DISC1: variants seen among roughly 807,000 people sequenced by gnomAD.
DISC1 encodes the protein disrupted in schizophrenia 1 protein.
In DISC1, 57 loss-of-function variants were observed where a neutral mutation model predicts 84.5. The ratio of observed to expected loss-of-function variants is 0.67; its 90% CI spans 0.55 to 0.84. The LOEUF (loss-of-function observed/expected upper bound fraction) is 0.84. Ranked by LOEUF, DISC1 falls within the 40% of genes least tolerant of loss-of-function variation. The pLI, the probability that DISC1 is intolerant of heterozygous loss-of-function variation, is 0.00. For missense variants in DISC1, 1,000 were observed against 1,057.8 expected, an observed-to-expected ratio of 0.95 and a Z score of 0.76; for synonymous variants, 411 against 415.2, an observed-to-expected ratio of 0.99 and a Z score of 0.12.
rs1235868404 is a variant in DISC1 at position 232,009,243 on chromosome 1, CA to C, written c.2307+201del. 4.3e-6 allele frequency: 6 copies of C among 1,387,158 alleles called. No homozygotes were observed. In the African/African-American group the frequency reaches 4.4e-5, roughly 10 times the overall value. 85.9% of individuals were successfully genotyped at this position (1,387,158 alleles called of 1,614,324 possible). A position where few individuals can be genotyped will look rare whatever the true frequency, so the allele number is the denominator to read the frequency against. ...TGTAGAAGTTTGAAATATAGAAGAG[CA>C]AAAAAACCCAACTTTTGGCATATTT... On this transcript the variant is annotated intron_variant, in intron 11 of 12. Coordinates refer to ENST00000439617, the MANE Select transcript of DISC1 (RefSeq NM_018662.3). This position sits in a 1 kb window ranked among gnomAD's most constrained non-coding sequence, Gnocchi z 4.6.
At chr1:231,938,469 C>T (rs2091112177) in intron 9 of DISC1, among the ~76,000 whole-genome samples, 1 of 152,132 alleles carries the variant, frequency 6.6e-6, no homozygotes, top group South Asian at 2.1e-4. Context: ...AAGAGGAGGA[C>T]CTCAGCCTAG....
At chr1:231,933,879 G>A (rs2090821153) in intron 9 of DISC1, among the ~76,000 whole-genome samples, 1 of 152,166 alleles carries the variant, frequency 6.6e-6, no homozygotes, top group Admixed American at 6.5e-5. Flanking sequence ...CTGAGTCAGG[G>A]TGAGACACCA....
chr1:231,631,056 T>C (rs1161224875), intron 1 of DISC1, among the ~76,000 whole-genome samples: 1 of 152,210 alleles, frequency 6.6e-6, no homozygotes, highest in Non-Finnish European at 1.5e-5. Flanking sequence ...CTAGACATTA[T>C]GGGGCTCCCT....
At chr1:231,756,782 G>T (rs959006337) in intron 4 of DISC1, among the ~76,000 whole-genome samples, 1 of 152,140 alleles carries the variant, frequency 6.6e-6, no homozygotes, top group Non-Finnish European at 1.5e-5. Context: ...AAATGAGGGG[G>T]TTAAATTAGA....
At chr1:231,927,736 C>T (rs1572113415) in intron 9 of DISC1, among the ~76,000 whole-genome samples, 3 of 152,278 alleles carry the variant, frequency 2.0e-5, no homozygotes, top group African/African-American at 4.8e-5. Context: ...GAGCTAGGCA[C>T]GTGGATTTTT....
intron 9 of DISC1, among the ~76,000 whole-genome samples, chr1:231,865,920 A>G (rs113077483): frequency 2.6e-5 from 4 of 152,320 alleles, no homozygotes; most frequent in East Asian, 1.9e-4. Context: ...ACTTTTTTGT[A>G]TATGTGTGTG....
At chr1:232,033,202 T>C (rs1442053459) in intron 12 of DISC1, among the ~76,000 whole-genome samples, 2 of 152,190 alleles carry the variant, frequency 1.3e-5, no homozygotes, top group Non-Finnish European at 2.9e-5. Flanking sequence ...TTTCTAATTA[T>C]TTGCTCAGAT....
At chr1:231,655,037 G>C (rs2060941123) in intron 1 of DISC1, among the ~76,000 whole-genome samples, 1 of 152,152 alleles carries the variant, frequency 6.6e-6, no homozygotes, top group Admixed American at 6.5e-5. Context: ...TTTACACTCA[G>C]AAGTTTCTGG....
At chr1:231,948,956 G>A (rs1471704082) in intron 9 of DISC1, among the ~76,000 whole-genome samples, 3 of 137,992 alleles carry the variant, frequency 2.2e-5, no homozygotes, top group Non-Finnish European at 4.5e-5. Context: ...TGCAACCTCC[G>A]CCTCCTGGGT....
chr1:231,651,803 C>T (rs912091447), intron 1 of DISC1, among the ~76,000 whole-genome samples: 1 of 152,230 alleles, frequency 6.6e-6, no homozygotes, highest in Non-Finnish European at 1.5e-5. Context: ...TGGCAGATGC[C>T]CCTCCCTCTG....
At chr1:231,764,212 A>T (rs185377918) in intron 4 of DISC1, among the ~76,000 whole-genome samples, 1 of 152,332 alleles carries the variant, frequency 6.6e-6, no homozygotes, top group African/African-American at 2.4e-5. Context: ...GCAGGGGAAG[A>T]TGACCTTGAA....
rs16855131 is a variant in DISC1, at chr1:231,826,494, T to C, written c.1981+7977T>C. Among the ~76,000 whole-genome samples the C allele has an allele frequency of 0.027, 4,040 of 152,306 alleles. 169 individuals carry two copies. The highest frequency in any genetic ancestry group is 0.09 in the African/African-American group (3,755 of 41,566). ...TCCCTATATTTTGTGCCTGAGATGA[T>C]GATCCACTATCTGCCATGTTGCTAT... On this transcript the variant is annotated intron_variant, in intron 9 of 12. Transcript: ENST00000439617. The surrounding 1 kb of genome is among the most constrained non-coding windows in gnomAD (Gnocchi z 4.2).
chr1:231,846,370 C>T (rs2083448783), intron 9 of DISC1, among the ~76,000 whole-genome samples: 1 of 152,240 alleles, frequency 6.6e-6, no homozygotes, highest in African/African-American at 2.4e-5. Context: ...GCAGCATCTT[C>T]ATAGCCATCC....
chr1:231,815,891 T>C (rs1369357724), intron 8 of DISC1, among the ~76,000 whole-genome samples: 2 of 152,200 alleles, frequency 1.3e-5, no homozygotes, highest in African/African-American at 2.4e-5. Context: ...TTGCTTCCAG[T>C]ATGGGGCTGG....
chr1:231,633,370 A>T (rs1022279670), intron 1 of DISC1, among the ~76,000 whole-genome samples: 1 of 152,194 alleles, frequency 6.6e-6, no homozygotes, highest in African/African-American at 2.4e-5. Context: ...GGATGACTCT[A>T]GGGTGACTGT....
intron 9 of DISC1, chr1:231,819,193 A>G (rs1290642132): frequency 5.5e-6 from 5 of 903,158 alleles, no homozygotes; most frequent in Non-Finnish European, 6.6e-6. Context: ...AATAAATGTC[A>G]TTTACTAAAA....
intron 8 of DISC1, among the ~76,000 whole-genome samples, chr1:231,811,526 C>G (rs527378408): frequency 6.6e-6 from 1 of 152,280 alleles, no homozygotes; most frequent in African/African-American, 2.4e-5. Context: ...GGCTTTATTT[C>G]TTTTTTTCCA....
At chr1:231,673,009 C>G (rs1036529325) in intron 1 of DISC1, among the ~76,000 whole-genome samples, 2 of 152,122 alleles carry the variant, frequency 1.3e-5, no homozygotes, top group Non-Finnish European at 2.9e-5. Flanking sequence ...ATCAAGCTGT[C>G]CATGAAGCTG....
At chr1:231,767,502 G>T (rs1039205718) in intron 5 of DISC1, among the ~76,000 whole-genome samples, 1 of 152,144 alleles carries the variant, frequency 6.6e-6, no homozygotes, top group Admixed American at 6.5e-5. Context: ...TTAGTATGTT[G>T]CTCAGGCTGC....
Sources: gnomAD v4.1 joint callset for allele counts (sites outside exome capture counted in the v4.1 genomes callset) on GRCh38, gnomAD v4.1.1 for gene constraint, Gnocchi (gnomAD v3.1) non-coding constraint, MANE v1.5 for transcripts, NCBI Gene and HGNC (gene_info 2026-07-23, HGNC 2026-07-21) for gene names.